PDE3A: variants seen among roughly 807,000 people sequenced by gnomAD.
PDE3A encodes phosphodiesterase 3A, also known as cGMP-inhibited 3',5'-cyclic phosphodiesterase 3A.
Under a neutral mutation model 98.3 loss-of-function variants are expected in PDE3A, and 43 were observed. That is an observed-to-expected ratio of 0.44 (90% CI 0.34 to 0.56). The LOEUF (loss-of-function observed/expected upper bound fraction) is 0.56, where lower values mean the gene tolerates loss of function less well. Among genes scored for constraint, PDE3A ranks in the 20% least tolerant of loss-of-function variants. The probability of loss-of-function intolerance (pLI) is 0.01; values close to 1 mark genes in which losing one functional copy is unlikely to be tolerated. For missense variants in PDE3A, 1,427 were observed against 1,440.7 expected (o/e 0.99, Z 0.15); for synonymous variants, 663 against 567.9 (o/e 1.17, Z -2.38).
rs571987383 is a variant in PDE3A at position 20,669,494 on chromosome 12, A to G, written c.3185-10536A>G. On this transcript the variant is annotated intron_variant, in intron 15 of 15. Coordinates refer to ENST00000359062, the MANE Select transcript of PDE3A (RefSeq NM_000921.5). The stretch of plus-strand genomic sequence containing the variant: ...AAGGGAAGCCCATCAGACTAACAGC[A>G]GATCTCTCGGCAGAAACCCTACAAG... Among the ~76,000 whole-genome samples the G allele has an allele frequency of 2.8e-3, 424 of 150,760 alleles. 1 individual carries two copies. The highest frequency in any genetic ancestry group is 9.7e-3 in the African/African-American group (399 of 41,046).
chr12:20,440,634 A>G (rs1440024430), intron 1 of PDE3A, among the ~76,000 whole-genome samples: 1 of 152,246 alleles, frequency 6.6e-6, no homozygotes, highest in Non-Finnish European at 1.5e-5. Context: ...GACAAAGGGT[A>G]TCAAGGAACA....
At position 20,370,234 on chromosome 12, in the gene PDE3A, C is replaced by G. The variant is rs748938027; in HGVS notation, c.950C>G (p.Pro317Arg). The change falls in exon 1 of 16, where the codon CCG becomes CGG. Residue 317 changes from proline (P) to arginine (R), a missense_variant. By Grantham distance (103) the Pro-to-Arg change is moderately radical. Around this residue, in one of 3 missense-constraint regions of PDE3A, gnomAD observed 1,012 missense variants for 886.5 expected, o/e 1.14. Transcript: ENST00000359062. ...SHRRTSLPCI[P>R]REQLMGHSEW... The stretch of plus-strand genomic sequence containing the variant: ...CGGAGGACCTCCCTGCCCTGTATAC[C>G]GAGGGAACAGGTAAGCACTGGCAAC... 4 of 1,557,500 alleles carry G rather than the reference C, an allele frequency of 2.6e-6. No individual in the cohort carries two copies. Among genetic ancestry groups the G allele is most frequent in the East Asian group, 4.5e-5 (2 of 44,392 alleles).
chr12:20,598,064 A>G (rs1037184208), intron 2 of PDE3A, among the ~76,000 whole-genome samples: 1 of 152,122 alleles, frequency 6.6e-6, no homozygotes, highest in Non-Finnish European at 1.5e-5. Context: ...TATTTTTACA[A>G]GTGTTTTGAA....
At chr12:20,528,502 T>C (rs1352282330) in intron 1 of PDE3A, among the ~76,000 whole-genome samples, 1 of 152,238 alleles carries the variant, frequency 6.6e-6, no homozygotes, top group African/African-American at 2.4e-5. Flanking sequence ...ACAAGGAATA[T>C]CTAAGTCCTT....
intron 1 of PDE3A, among the ~76,000 whole-genome samples, chr12:20,413,427 G>C (rs931230103): frequency 2.6e-5 from 4 of 152,160 alleles, no homozygotes; most frequent in African/African-American, 9.7e-5. Flanking sequence ...AAGTGGAAAA[G>C]TGGGCTGAGG....
At chr12:20,528,289 C>G (rs969882661) in intron 1 of PDE3A, among the ~76,000 whole-genome samples, 1 of 152,172 alleles carries the variant, frequency 6.6e-6, no homozygotes, top group Non-Finnish European at 1.5e-5. Flanking sequence ...TCTCAAACCC[C>G]AGCTACTGAC....
At chr12:20,379,247 A>G (rs1362389722) in intron 1 of PDE3A, among the ~76,000 whole-genome samples, 2 of 151,830 alleles carry the variant, frequency 1.3e-5, no homozygotes, top group Non-Finnish European at 2.9e-5. Flanking sequence ...GCTAGCATGA[A>G]CACAAATAAA....
At chr12:20,505,425 G>T (rs1439954583) in intron 1 of PDE3A, among the ~76,000 whole-genome samples, 1 of 151,978 alleles carries the variant, frequency 6.6e-6, no homozygotes, top group Non-Finnish European at 1.5e-5. Context: ...AATGAAAAAT[G>T]TTCTATAAAG....
At chr12:20,383,018 G>T (rs1943689289) in intron 1 of PDE3A, among the ~76,000 whole-genome samples, 2 of 151,942 alleles carry the variant, frequency 1.3e-5, no homozygotes, top group South Asian at 4.1e-4. Context: ...GGCATCCTAG[G>T]AGCCAGATAA....
Position 20,667,357 on chromosome 12 carries a change from A to G in PDE3A, c.3185-12673A>G, listed in dbSNP as rs931755506. On this transcript the variant is annotated intron_variant, in intron 15 of 15. Coordinates refer to ENST00000359062, the MANE Select transcript of PDE3A (RefSeq NM_000921.5). ...ATCATAATAATCTTTGCTTAGGTCA[A>G]TGTCCTATAGAACTTCCCTTATGTT... 2.0e-5 allele frequency among the ~76,000 whole-genome samples: 3 copies of G among 152,254 alleles called. No homozygotes were observed. In the East Asian group the frequency reaches 5.8e-4, roughly 29 times the overall value.
chr12:20,532,814 G>A (rs967064506), intron 1 of PDE3A, among the ~76,000 whole-genome samples: 7 of 150,920 alleles, frequency 4.6e-5, no homozygotes, highest in East Asian at 3.9e-4. Flanking sequence ...TCAGCCTCCC[G>A]AGTAGCTGGG....
intron 15 of PDE3A, among the ~76,000 whole-genome samples, chr12:20,670,095 CAAAG>C (rs1388001496): frequency 6.7e-6 from 1 of 149,192 alleles, no homozygotes; most frequent in Non-Finnish European, 1.5e-5. Flanking sequence ...TCAAAAGAGA[CAAAG>C]AAGGCCATTA....
At chr12:20,376,074 A>G (rs1454113117) in intron 1 of PDE3A, among the ~76,000 whole-genome samples, 4 of 151,932 alleles carry the variant, frequency 2.6e-5, no homozygotes, top group Admixed American at 2.0e-4. Context: ...CTGCTCTGAA[A>G]CAAAGGTAAA....
At chr12:20,507,287 T>C (rs1946137143) in intron 1 of PDE3A, among the ~76,000 whole-genome samples, 2 of 152,038 alleles carry the variant, frequency 1.3e-5, no homozygotes, top group African/African-American at 4.8e-5. Flanking sequence ...ACAGGGAGTT[T>C]CTTAGGCTTT....
intron 1 of PDE3A, among the ~76,000 whole-genome samples, chr12:20,541,632 T>C (rs1448362265): frequency 1.3e-5 from 2 of 152,096 alleles, no homozygotes; most frequent in Non-Finnish European, 2.9e-5. Flanking sequence ...CCTTTTTCCT[T>C]GCCACATCAT....
chr12:20,666,078 C>T (rs1945302924), intron 15 of PDE3A, among the ~76,000 whole-genome samples: 1 of 151,068 alleles, frequency 6.6e-6, no homozygotes, highest in African/African-American at 2.4e-5. Flanking sequence ...AGTGATTCTC[C>T]TGCCTCAGCC....
rs373581288 is a variant in PDE3A at position 20,536,566 on chromosome 12, A to G, written c.961-20094A>G. ...CTCTCTACTACTTCCAGGCTTAATC[A>G]ATGACTAATCTATTTTCTATCTTTA... On this transcript the variant is annotated intron_variant, in intron 1 of 15. Transcript: ENST00000359062. 5.9e-5 allele frequency among the ~76,000 whole-genome samples: 9 copies of G among 152,198 alleles called. No homozygotes were observed. In the East Asian group the frequency reaches 1.5e-3, roughly 26 times the overall value.
chr12:20,572,417 T>A (rs1053506464), intron 2 of PDE3A, among the ~76,000 whole-genome samples: 1 of 152,102 alleles, frequency 6.6e-6, no homozygotes, highest in Non-Finnish European at 1.5e-5. Flanking sequence ...AAAACTATCT[T>A]AGAATGTTAA....
At chr12:20,425,475 G>A (rs964982764) in intron 1 of PDE3A, among the ~76,000 whole-genome samples, 1 of 151,992 alleles carries the variant, frequency 6.6e-6, no homozygotes, top group Non-Finnish European at 1.5e-5. Flanking sequence ...ATGAATTTAT[G>A]TATGCATTTT....
Sources: gnomAD v4.1 joint callset for allele counts (sites outside exome capture counted in the v4.1 genomes callset) on GRCh38, gnomAD v4.1.1 for gene constraint, gnomAD v4.1.1 regional missense constraint, MANE v1.5 for transcripts, NCBI Gene and HGNC (gene_info 2026-07-23, HGNC 2026-07-21) for gene names.